GLIPR1L1: variants seen among roughly 807,000 people sequenced by gnomAD.
GLIPR1L1 encodes the protein GLIPR1 like 1, also known as GLIPR1-like protein 1.
Under a neutral mutation model 29.9 loss-of-function variants are expected in GLIPR1L1, and 26 were observed. That is an observed-to-expected ratio of 0.87 (90% CI 0.64 to 1.21). The LOEUF is 1.21. Ranked by LOEUF, GLIPR1L1 falls within the 50% of genes most tolerant of loss-of-function variation. The probability of loss-of-function intolerance (pLI) is 0.00; values close to 1 mark genes in which losing one functional copy is unlikely to be tolerated. For synonymous variants in GLIPR1L1, 77 were observed against 97.5 expected, an observed-to-expected ratio of 0.79 and a Z score of 1.24; for missense variants, 305 against 290.3, an observed-to-expected ratio of 1.05 and a Z score of -0.37.
At chr12:75,344,265 G>C (rs1463984942) in intron 2 of GLIPR1L1, among the ~76,000 whole-genome samples, 1 of 151,940 alleles carries the variant, frequency 6.6e-6, no homozygotes, top group Non-Finnish European at 1.5e-5. Context: ...AGTTACTCAT[G>C]TAGAAAGCCA....
At chr12:75,367,935 G>C (rs2044094305) in intron 4 of GLIPR1L1, among the ~76,000 whole-genome samples, 1 of 151,950 alleles carries the variant, frequency 6.6e-6, no homozygotes, top group Non-Finnish European at 1.5e-5. Flanking sequence ...TATTTTCATT[G>C]GTCCTCATAG....
chr12:75,350,095 C>T (rs1013125009), intron 3 of GLIPR1L1, among the ~76,000 whole-genome samples: 22 of 152,332 alleles, frequency 1.4e-4, no homozygotes, highest in African/African-American at 5.1e-4. Context: ...AGAAATTCCC[C>T]ACAGCACAGC....
intron 3 of GLIPR1L1, among the ~76,000 whole-genome samples, chr12:75,353,868 T>A (rs1253851045): frequency 1.3e-5 from 2 of 152,180 alleles, no homozygotes; most frequent in Non-Finnish European, 2.9e-5. Context: ...ATTCATTATA[T>A]CATCAGAACT....
chr12:75,357,293 T>C (rs1163965826), intron 3 of GLIPR1L1, among the ~76,000 whole-genome samples: 1 of 152,172 alleles, frequency 6.6e-6, no homozygotes, highest in Non-Finnish European at 1.5e-5. Context: ...CAATGATAAT[T>C]GGGTTAATTA....
intron 2 of GLIPR1L1, among the ~76,000 whole-genome samples, 158 bp from the exon 3 acceptor site, chr12:75,347,464 T>C (rs923780562): frequency 1.1e-4 from 16 of 152,076 alleles, no homozygotes; most frequent in African/African-American, 3.6e-4. Flanking sequence ...AATATAAGAA[T>C]TTTAATATAA....
chr12:75,363,491 C>T (rs187088195), intron 4 of GLIPR1L1, among the ~76,000 whole-genome samples: 1 of 152,212 alleles, frequency 6.6e-6, no homozygotes. Flanking sequence ...TACTCGCTTT[C>T]ATTGACCTCT....
intron 3 of GLIPR1L1, among the ~76,000 whole-genome samples, chr12:75,349,307 GAAATGATTGA>G (rs1190795289): frequency 6.6e-6 from 1 of 152,122 alleles, no homozygotes; most frequent in Non-Finnish European, 1.5e-5. Flanking sequence ...TCCCACATAA[GAAATGATTGA>G]AAATGATTAT....
chr12:75,368,696 G>A (rs936721484), intron 4 of GLIPR1L1, among the ~76,000 whole-genome samples: 2 of 151,738 alleles, frequency 1.3e-5, no homozygotes, highest in African/African-American at 2.4e-5. Context: ...GTTTGTATTA[G>A]ACTCATTTTA....
chr12:75,360,633 A>T (rs2043514130), intron 3 of GLIPR1L1: 1 of 152,168 alleles, frequency 6.6e-6, no homozygotes. Flanking sequence ...ACAGGCTGAT[A>T]TTGAGAGCTT....
chr12:75,355,948 A>G (rs887171744), intron 3 of GLIPR1L1, among the ~76,000 whole-genome samples: 1 of 152,084 alleles, frequency 6.6e-6, no homozygotes, highest in African/African-American at 2.4e-5. Flanking sequence ...TGGCCACACA[A>G]AGGGTAACAA....
At chr12:75,358,790 C>T (rs2043333138) in intron 3 of GLIPR1L1, among the ~76,000 whole-genome samples, 1 of 136,892 alleles carries the variant, frequency 7.3e-6, no homozygotes. Flanking sequence ...TAATATATAA[C>T]AATATATAAT....
intron 4 of GLIPR1L1, among the ~76,000 whole-genome samples, chr12:75,365,730 T>C (rs1352932093): frequency 1.3e-5 from 2 of 152,150 alleles, no homozygotes; most frequent in African/African-American, 4.8e-5. Context: ...AAAACTGTGA[T>C]AGTCATCATT....
At chr12:75,353,631 C>A (rs1487023550) in intron 3 of GLIPR1L1, among the ~76,000 whole-genome samples, 1 of 152,118 alleles carries the variant, frequency 6.6e-6, no homozygotes. Flanking sequence ...GGGACTCCTC[C>A]CTAACCATTT....
In GLIPR1L1 at chr12:75,346,520, A is replaced by G. The variant is rs112880494; in HGVS notation, c.421-1102A>G. ...ATTCTCCTGCCTCAGCCTCCTGAGT[A>G]GCTAGGATTACAGGCACATGCCACC... On this transcript the variant is annotated intron_variant, in intron 2 of 5. Coordinates refer to ENST00000378695, the MANE Select transcript of GLIPR1L1 (RefSeq NM_001304964.2). 9.2e-3 allele frequency among the ~76,000 whole-genome samples: 1,403 copies of G among 152,120 alleles called. 16 individuals carry two copies. The highest frequency in any genetic ancestry group is 0.031 in the African/African-American group (1,275 of 41,492).
rs143355416 is a variant in GLIPR1L1 at position 75,353,414 on chromosome 12, G to A, written c.521+5692G>A. ...ATCTAGAAGAAATTGATAAATTCCT[G>A]TAAACATATGCCCTCCCAAGACTGA... is the stretch of plus-strand genomic sequence containing the variant. On this transcript the variant is annotated intron_variant, in intron 3 of 5. Transcript: ENST00000378695. Among the ~76,000 whole-genome samples the A allele has an allele frequency of 1.1e-3, 171 of 152,208 alleles. 1 individual carries two copies. Among genetic ancestry groups the A allele is most frequent in the African/African-American group, 3.6e-3 (151 of 41,532 alleles).
At chr12:75,344,632 A>G (rs1260789717) in intron 2 of GLIPR1L1, among the ~76,000 whole-genome samples, 1 of 152,074 alleles carries the variant, frequency 6.6e-6, no homozygotes, top group Non-Finnish European at 1.5e-5. Flanking sequence ...TCTCTTCATT[A>G]TGAATCGAAT....
At chr12:75,354,677 C>A (rs1476614865) in intron 3 of GLIPR1L1, among the ~76,000 whole-genome samples, 1 of 152,058 alleles carries the variant, frequency 6.6e-6, no homozygotes, top group Non-Finnish European at 1.5e-5. Flanking sequence ...GCCAAGACAT[C>A]CTAAGCAGAA....
At chr12:75,348,430 T>A (rs907487698) in intron 3 of GLIPR1L1, among the ~76,000 whole-genome samples, 36 of 152,186 alleles carry the variant, frequency 2.4e-4, no homozygotes, top group African/African-American at 8.7e-4. Flanking sequence ...CCATGACCTT[T>A]CACTTGGAAG....
At chr12:75,349,892 G>A (rs1036502749) in intron 3 of GLIPR1L1, among the ~76,000 whole-genome samples, 1 of 152,226 alleles carries the variant, frequency 6.6e-6, no homozygotes, top group South Asian at 2.1e-4. Flanking sequence ...GATAAAAAGT[G>A]TATCAGCTGC....
Sources: gnomAD v4.1 joint callset for allele counts (sites outside exome capture counted in the v4.1 genomes callset) on GRCh38, gnomAD v4.1.1 for gene constraint, MANE v1.5 for transcripts, NCBI Gene and HGNC (gene_info 2026-07-23, HGNC 2026-07-21) for gene names.